Variants in ELMOD1 observed in about 807,000 individuals in gnomAD.
ELMOD1 encodes the protein ELMO domain-containing protein 1.
Under a neutral mutation model 46.7 loss-of-function variants are expected in ELMOD1, and 21 were observed. The ratio of observed to expected loss-of-function variants is 0.45; its 90% CI spans 0.32 to 0.65. The LOEUF (loss-of-function observed/expected upper bound fraction) is 0.65. Ranked by LOEUF, ELMOD1 falls within the 30% of genes least tolerant of loss-of-function variation. The pLI is 0.04. For synonymous variants in ELMOD1, 122 were observed against 138.2 expected (o/e 0.88, Z 0.82); for missense variants, 348 against 407.8 (o/e 0.85, Z 1.26).
chr11:107,604,816 T>C (rs1865660075), intron 1 of ELMOD1, among the ~76,000 whole-genome samples: 2 of 152,232 alleles, frequency 1.3e-5, no homozygotes, highest in South Asian at 4.1e-4. Context: ...AAATGAATGC[T>C]ATTACCTCTT....
intron 10 of ELMOD1, 105 bp from the exon 11 acceptor site, chr11:107,655,828 T>C (rs1866619954): frequency 1.6e-6 from 2 of 1,233,608 alleles, no homozygotes; most frequent in Non-Finnish European, 2.2e-6. Flanking sequence ...CCATGGCATT[T>C]GTACACTGTC....
intron 2 of ELMOD1, among the ~76,000 whole-genome samples, chr11:107,628,219 T>G (rs547608119): frequency 7.2e-5 from 11 of 151,888 alleles, no homozygotes; most frequent in African/African-American, 1.2e-4. Context: ...CAGGCTGGAG[T>G]GCAGTGGTAT....
At chr11:107,606,540 A>ATT (rs1647039901) in intron 1 of ELMOD1, among the ~76,000 whole-genome samples, 1 of 152,246 alleles carries the variant, frequency 6.6e-6, no homozygotes, top group African/African-American at 2.4e-5. Context: ...TTACATCTTA[A>ATT]AACTACATTG....
At chr11:107,607,424 G>A (rs1865704020) in intron 1 of ELMOD1, among the ~76,000 whole-genome samples, 1 of 152,210 alleles carries the variant, frequency 6.6e-6, no homozygotes, top group African/African-American at 2.4e-5. Flanking sequence ...GGGAGGCTGA[G>A]GCAGGCGGAT....
At chr11:107,657,397 G>GC (rs1280681855) in intron 11 of ELMOD1, among the ~76,000 whole-genome samples, 1 of 151,950 alleles carries the variant, frequency 6.6e-6, no homozygotes, top group Non-Finnish European at 1.5e-5. Flanking sequence ...TAAAACATTA[G>GC]CCAGCTGTAG....
chr11:107,665,987 A>T lies in ELMOD1; in HGVS notation c.*790A>T, dbSNP rs1866837945. 6.6e-6 allele frequency: 1 copy of T among 150,920 alleles called. No homozygotes were observed. Among genetic ancestry groups the T allele is most frequent in the Admixed American group, 6.6e-5 (1 of 15,060 alleles). The allele number at this position is 150,920 out of a possible 1,614,324, so 9.3% of individuals were successfully genotyped here. A position where few individuals can be genotyped will look rare whatever the true frequency, so the allele number is the denominator to read the frequency against. Reference sequence around the variant, plus strand: ...AAAATAAATAAATAAATAAATAAATAAATAAATAAATAAATAAATAAATAA... The same window carrying T: ...AAAATAAATAAATAAATAAATAAATTAATAAATAAATAAATAAATAAATAA... On this transcript the variant is annotated 3_prime_UTR_variant, in exon 12 of 12. Transcript: ENST00000265840.
intron 5 of ELMOD1, among the ~76,000 whole-genome samples, chr11:107,633,934 G>A (rs1866184905): frequency 6.6e-6 from 1 of 152,056 alleles, no homozygotes; most frequent in South Asian, 2.1e-4. Flanking sequence ...CACTGAATAT[G>A]ACTTTATTAA....
chr11:107,611,997 C>T (rs1418694903), intron 1 of ELMOD1, among the ~76,000 whole-genome samples: 2 of 152,156 alleles, frequency 1.3e-5, no homozygotes, highest in Non-Finnish European at 2.9e-5. Context: ...TACCATTTGA[C>T]CCAGCAATCC....
chr11:107,660,416 A>G (rs1173704049), intron 11 of ELMOD1, among the ~76,000 whole-genome samples: 1 of 152,226 alleles, frequency 6.6e-6, no homozygotes, highest in Non-Finnish European at 1.5e-5. Flanking sequence ...CTAAAGCTCC[A>G]CTGAACACAC....
At chr11:107,604,083 A>G (rs1032105853) in intron 1 of ELMOD1, among the ~76,000 whole-genome samples, 3 of 149,140 alleles carry the variant, frequency 2.0e-5, no homozygotes, top group Non-Finnish European at 3.0e-5. Flanking sequence ...GCTGCCTTCA[A>G]CCAAGCATGT....
At chr11:107,617,391 ACT>A (rs1865880822) in intron 1 of ELMOD1, among the ~76,000 whole-genome samples, 1 of 151,966 alleles carries the variant, frequency 6.6e-6, no homozygotes, top group Admixed American at 6.6e-5. Flanking sequence ...ACTTGCAGAC[ACT>A]CTCTCTTCTA....
chr11:107,647,778 G>C (rs1866457909), intron 7 of ELMOD1, among the ~76,000 whole-genome samples, 177 bp downstream of exon 7: 2 of 152,082 alleles, frequency 1.3e-5, no homozygotes, highest in Admixed American at 1.3e-4. Context: ...TACCTTCCTT[G>C]TATTTCAGCA....
At chr11:107,635,809 A>C (rs752326535) in intron 6 of ELMOD1, 44 bp downstream of exon 6, 1 of 1,576,518 alleles carries the variant, frequency 6.3e-7, no homozygotes, top group South Asian at 1.2e-5. Flanking sequence ...AAGTCAGCTG[A>C]CATTTGCCAG....
chr11:107,593,197 T>C (rs181326370), intron 1 of ELMOD1: 47 of 152,758 alleles, frequency 3.1e-4, no homozygotes, highest in African/African-American at 1.1e-3. Context: ...CTGTGCTTGA[T>C]TAATGAAGAA....
At chr11:107,597,058 T>C (rs1319936870) in intron 1 of ELMOD1, among the ~76,000 whole-genome samples, 1 of 152,190 alleles carries the variant, frequency 6.6e-6, no homozygotes, top group Non-Finnish European at 1.5e-5. Flanking sequence ...TTCATAGGTA[T>C]GGAAGCCAAC....
chr11:107,664,671 C>T (rs612205), intron 11 of ELMOD1, among the ~76,000 whole-genome samples: 34,623 of 151,972 alleles, frequency 0.23, 7,833 homozygotes, highest in African/African-American at 0.58. Context: ...GTTGGACCGT[C>T]ACATTAATTT....
chr11:107,639,082 C>A (rs1850290149), intron 6 of ELMOD1, among the ~76,000 whole-genome samples: 1 of 152,118 alleles, frequency 6.6e-6, no homozygotes, highest in Non-Finnish European at 1.5e-5. Flanking sequence ...CCCAGGAAGT[C>A]AAGGCTACAG....
intron 6 of ELMOD1, among the ~76,000 whole-genome samples, chr11:107,636,847 C>CT (rs955137847): frequency 2.0e-5 from 3 of 151,328 alleles, no homozygotes; most frequent in African/African-American, 4.9e-5. Flanking sequence ...TTTATATTGT[C>CT]TTTTTTTTTC....
chr11:107,636,729 C>T (rs548617605), intron 6 of ELMOD1, among the ~76,000 whole-genome samples: 230 of 152,272 alleles, frequency 1.5e-3, no homozygotes, highest in Middle Eastern at 3.4e-3. Context: ...TTAATTAGTG[C>T]TGGATCTGAT....
Sources: allele counts gnomAD v4.1 joint callset (sites outside exome capture counted in the v4.1 genomes callset), GRCh38; gene constraint gnomAD v4.1.1; transcripts MANE v1.5; gene names NCBI Gene and HGNC (gene_info 2026-07-23, HGNC 2026-07-21).